KCNIP4: variants seen among roughly 807,000 people sequenced by gnomAD.
KCNIP4 encodes the protein potassium voltage-gated channel interacting protein 4.
In KCNIP4, 12 loss-of-function variants were observed where a neutral mutation model predicts 34.0. That is an observed-to-expected ratio of 0.35 (90% CI 0.23 to 0.57). The LOEUF (loss-of-function observed/expected upper bound fraction) is 0.57, where lower values mean the gene tolerates loss of function less well. KCNIP4 is among the 20% of genes least tolerant of loss of function. The probability of loss-of-function intolerance (pLI) is 0.83; values close to 1 mark genes in which losing one functional copy is unlikely to be tolerated. For missense variants in KCNIP4, 238 were observed against 311.7 expected, an observed-to-expected ratio of 0.76 and a Z score of 1.78; for synonymous variants, 124 against 102.2, an observed-to-expected ratio of 1.21 and a Z score of -1.29.
chr4:21,384,057 A>G (rs1269435379), intron 1 of KCNIP4, among the ~76,000 whole-genome samples: 1 of 152,010 alleles, frequency 6.6e-6, no homozygotes, highest in South Asian at 2.1e-4. Context: ...CCTACCTCAC[A>G]GCCTTGTACT....
At chr4:21,528,478 C>A (rs894988846) in intron 1 of KCNIP4, among the ~76,000 whole-genome samples, 3 of 151,450 alleles carry the variant, frequency 2.0e-5, no homozygotes, top group African/African-American at 7.3e-5. Flanking sequence ...AGCAGCCTGG[C>A]CAATGTGGTG....
chr4:21,170,828 C>T (rs565828145), intron 1 of KCNIP4, among the ~76,000 whole-genome samples: 1 of 152,130 alleles, frequency 6.6e-6, no homozygotes, highest in Admixed American at 6.5e-5. Flanking sequence ...GTTAATTTTC[C>T]TATTTCATAG....
chr4:21,511,456 T>C (rs1313442500), intron 1 of KCNIP4, among the ~76,000 whole-genome samples: 1 of 152,150 alleles, frequency 6.6e-6, no homozygotes, highest in Admixed American at 6.5e-5. Context: ...TTGCATTATG[T>C]AGATGACAAA....
At chr4:21,198,798 A>G (rs1227980567) in intron 1 of KCNIP4, among the ~76,000 whole-genome samples, 1 of 152,166 alleles carries the variant, frequency 6.6e-6, no homozygotes, top group Non-Finnish European at 1.5e-5. Flanking sequence ...TGCAGCACAG[A>G]AAGGGCACCT....
chr4:21,218,579 CTT>C (rs1273496493), intron 1 of KCNIP4, among the ~76,000 whole-genome samples: 1 of 152,110 alleles, frequency 6.6e-6, no homozygotes, highest in Non-Finnish European at 1.5e-5. Context: ...AACACACATT[CTT>C]TATCACTAAT....
intron 1 of KCNIP4, among the ~76,000 whole-genome samples, chr4:21,264,594 G>A (rs1410839429): frequency 1.3e-5 from 2 of 152,138 alleles, no homozygotes; most frequent in Non-Finnish European, 2.9e-5. Context: ...TCATCAAGGT[G>A]TCCTAAAGAT....
intron 7 of KCNIP4, 103 bp downstream of exon 7, chr4:20,732,578 A>C (rs1748586278): frequency 1.3e-6 from 1 of 750,338 alleles, no homozygotes; most frequent in Non-Finnish European, 2.3e-6. Flanking sequence ...TTTCAGTAAA[A>C]ATTATTTTCC....
intron 1 of KCNIP4, among the ~76,000 whole-genome samples, chr4:20,896,577 C>T (rs1022216180): frequency 1.3e-5 from 2 of 152,044 alleles, no homozygotes; most frequent in African/African-American, 4.8e-5. Context: ...CAAGAAATGC[C>T]AAGGATTTCC....
At chr4:21,075,290 T>A (rs1173843805) in intron 1 of KCNIP4, among the ~76,000 whole-genome samples, 1 of 152,192 alleles carries the variant, frequency 6.6e-6, no homozygotes, top group Non-Finnish European at 1.5e-5. Flanking sequence ...TTTGTAGGTC[T>A]CTAAGGACTT....
intron 1 of KCNIP4, among the ~76,000 whole-genome samples, chr4:21,661,996 C>G (rs1748490260): frequency 1.3e-5 from 2 of 152,066 alleles, no homozygotes; most frequent in Non-Finnish European, 2.9e-5. Flanking sequence ...CAATGCGACC[C>G]AAGTGATCTG....
intron 1 of KCNIP4, among the ~76,000 whole-genome samples, chr4:21,113,029 A>C (rs7356370): frequency 0.29 from 44,233 of 152,032 alleles, 7,102 homozygotes; most frequent in African/African-American, 0.44. Flanking sequence ...TCTATACACA[A>C]TGTCAATACT....
rs61298746 is a variant in KCNIP4, at chr4:21,200,382, G to GTA, written c.62-317675_62-317674dup. ...TATATATATACATACATATATGTGT[G>GTA]TATATATATATATACATACATATAT... On this transcript the variant is annotated intron_variant, in intron 1 of 8. Transcript: ENST00000382152. Among the ~76,000 whole-genome samples the GTA allele has an allele frequency of 3.9e-3, 212 of 54,552 alleles. 21 individuals are homozygous for GTA. Among genetic ancestry groups the GTA allele is most frequent in the African/African-American group, 0.021 (171 of 8,292 alleles). 35.8% of individuals were successfully genotyped at this position (54,552 alleles called of 152,430 possible).
At chr4:21,867,211 T>G (rs1459008681) in intron 1 of KCNIP4, among the ~76,000 whole-genome samples, 2 of 152,206 alleles carry the variant, frequency 1.3e-5, no homozygotes, top group Non-Finnish European at 1.5e-5. Flanking sequence ...TTGCAAATAC[T>G]AGAGGTGCAA....
intron 1 of KCNIP4, among the ~76,000 whole-genome samples, chr4:20,975,905 G>C (rs913828935): frequency 3.3e-5 from 5 of 152,152 alleles, no homozygotes; most frequent in Non-Finnish European, 5.9e-5. Flanking sequence ...GGGATTCAAA[G>C]AGCATCTACA....
At chr4:21,778,354 C>T (rs1211196365) in intron 1 of KCNIP4, among the ~76,000 whole-genome samples, 2 of 150,414 alleles carry the variant, frequency 1.3e-5, no homozygotes, top group Non-Finnish European at 3.0e-5. Flanking sequence ...CCCACTTCAG[C>T]CTCCTGAGTA....
In KCNIP4 at chr4:21,680,598, T is replaced by C. The variant is rs1344483153; in HGVS notation, c.61+267973A>G. Among the ~76,000 whole-genome samples, 3 of 152,220 alleles carry C rather than the reference T, an allele frequency of 2.0e-5. No homozygotes were observed. In the East Asian group the frequency reaches 5.8e-4, roughly 29 times the overall value. On this transcript the variant is annotated intron_variant, in intron 1 of 8. Transcript: ENST00000382152. ...GTTATAGCCTTATGAAAAGTGCTTC[T>C]TCAGTAATAAGACTTGGAAGTCAAA...
intron 1 of KCNIP4, among the ~76,000 whole-genome samples, chr4:21,752,784 TCCCA>T: frequency 6.6e-6 from 1 of 152,266 alleles, no homozygotes; most frequent in South Asian, 2.1e-4. Flanking sequence ...CTAGGCTAAA[TCCCA>T]CCCATTCTCT....
chr4:21,798,404 C>CATACATATATATATATATATATATAT (rs557219481), intron 1 of KCNIP4, among the ~76,000 whole-genome samples: 2 of 129,644 alleles, frequency 1.5e-5, no homozygotes, highest in Non-Finnish European at 3.3e-5. Context: ...CAAAAAAATA[C>CATACATATATATATATATATATATAT]ATATATATAT....
chr4:20,770,127 T>C (rs1261004238), intron 3 of KCNIP4, among the ~76,000 whole-genome samples: 1 of 152,206 alleles, frequency 6.6e-6, no homozygotes, highest in African/African-American at 2.4e-5. Context: ...CATCAGTTCA[T>C]TTTGGTTTTC....
Sources: gnomAD v4.1 joint callset for allele counts (sites outside exome capture counted in the v4.1 genomes callset) on GRCh38, gnomAD v4.1.1 for gene constraint, MANE v1.5 for transcripts, NCBI Gene and HGNC (gene_info 2026-07-23, HGNC 2026-07-21) for gene names.